TOM1L2: variants seen among roughly 807,000 people sequenced by gnomAD.
TOM1L2 encodes the protein target of myb1 like 2 membrane trafficking protein, also known as TOM1-like protein 2.
In TOM1L2, 31 loss-of-function variants were observed where a neutral mutation model predicts 67.9. The observed-to-expected ratio is 0.46, with a 90% CI of 0.34 to 0.62. The LOEUF is 0.62. Ranked by LOEUF, TOM1L2 falls within the 20% of genes least tolerant of loss-of-function variation. The pLI is 0.01. For missense variants in TOM1L2, 606 were observed against 663.5 expected (o/e 0.91, Z 0.95); for synonymous variants, 256 against 254.0 (o/e 1.01, Z -0.07).
chr17:17,955,740 A>T (rs2041410980), intron 1 of TOM1L2, among the ~76,000 whole-genome samples: 2 of 152,166 alleles, frequency 1.3e-5, no homozygotes, highest in Admixed American at 1.3e-4. Flanking sequence ...TCAAGAATGA[A>T]GCCATAGACC....
chr17:17,871,644 C>A (rs944086655), intron 7 of TOM1L2, among the ~76,000 whole-genome samples: 9 of 152,192 alleles, frequency 5.9e-5, no homozygotes, highest in Admixed American at 4.6e-4. Context: ...GCACTCCAGC[C>A]TGGGGAACAG....
intron 1 of TOM1L2, among the ~76,000 whole-genome samples, chr17:17,944,929 G>A (rs143740637): frequency 7.5e-4 from 114 of 152,248 alleles, no homozygotes; most frequent in African/African-American, 2.7e-3. Flanking sequence ...ATTTTTCATA[G>A]GCCGGATGCT....
chr17:17,884,596 CAGT>C, intron 5 of TOM1L2, 35 bp downstream of exon 5: 1 of 1,612,974 alleles, frequency 6.2e-7, no homozygotes, highest in Non-Finnish European at 8.5e-7. Context: ...ACCCGTTCTG[CAGT>C]AGGTCTTTCT....
chr17:17,889,110 T>C (rs2038140156), intron 4 of TOM1L2, among the ~76,000 whole-genome samples: 1 of 152,100 alleles, frequency 6.6e-6, no homozygotes, highest in South Asian at 2.1e-4. Flanking sequence ...CCCTCGCACA[T>C]GTTGGTAAAA....
At chr17:17,933,411 C>T (rs1406512990) in intron 1 of TOM1L2, among the ~76,000 whole-genome samples, 3 of 152,186 alleles carry the variant, frequency 2.0e-5, no homozygotes, top group Admixed American at 1.3e-4. Context: ...CATAGGCAAT[C>T]CAAACAAAAT....
At chr17:17,857,289 G>T (rs541207838) in intron 12 of TOM1L2, among the ~76,000 whole-genome samples, 2 of 152,292 alleles carry the variant, frequency 1.3e-5, no homozygotes, top group East Asian at 3.9e-4. Flanking sequence ...CATTTTGACG[G>T]ACTTAGTGGA....
At chr17:17,888,656 C>T (rs2038112977) in intron 4 of TOM1L2, among the ~76,000 whole-genome samples, 1 of 152,200 alleles carries the variant, frequency 6.6e-6, no homozygotes, top group Non-Finnish European at 1.5e-5. Flanking sequence ...ATCCCCACCC[C>T]AATCAGTTCA....
chr17:17,965,574 G>T (rs2041845358), intron 1 of TOM1L2, among the ~76,000 whole-genome samples: 1 of 152,130 alleles, frequency 6.6e-6, no homozygotes, highest in Non-Finnish European at 1.5e-5. Flanking sequence ...CTTGCTGAGG[G>T]CAGCACAGCG....
chr17:17,964,461 G>A lies in TOM1L2; in HGVS notation c.52+7801C>T, dbSNP rs140710606. Among the ~76,000 whole-genome samples the A allele has an allele frequency of 1.8e-4, 27 of 152,342 alleles. 1 individual carries two copies. In the East Asian group the frequency reaches 4.8e-3, roughly 27 times the overall value. ...TTCAAGGCATGAGAAGATGAAGAGT[G>A]AAATACAAAAGTATTCCATTATGTG... On this transcript the variant is annotated intron_variant, in intron 1 of 14. Transcript: ENST00000379504.
At chr17:17,936,815 A>G (rs944386850) in intron 1 of TOM1L2, among the ~76,000 whole-genome samples, 1 of 152,240 alleles carries the variant, frequency 6.6e-6, no homozygotes, top group East Asian at 1.9e-4. Context: ...CAAAATGTTT[A>G]TAGTAGTAAC....
intron 2 of TOM1L2, among the ~76,000 whole-genome samples, chr17:17,906,850 A>G (rs536567710): frequency 7.2e-5 from 11 of 152,366 alleles, no homozygotes; most frequent in Admixed American, 5.9e-4. Flanking sequence ...TGGTATGGAC[A>G]GAGGGCTAAA....
chr17:17,952,454 G>C (rs1280958189), intron 1 of TOM1L2, among the ~76,000 whole-genome samples: 2 of 125,948 alleles, frequency 1.6e-5, no homozygotes, highest in Non-Finnish European at 3.2e-5. Flanking sequence ...GCAGTGGTGT[G>C]ATCTTACCTC....
At chr17:17,953,442 A>G (rs2041293728) in intron 1 of TOM1L2, among the ~76,000 whole-genome samples, 1 of 152,188 alleles carries the variant, frequency 6.6e-6, no homozygotes, top group Non-Finnish European at 1.5e-5. Context: ...GACAAGCAGG[A>G]GTGCCCCGGA....
At chr17:17,950,667 T>C (rs953637904) in intron 1 of TOM1L2, among the ~76,000 whole-genome samples, 8 of 152,212 alleles carry the variant, frequency 5.3e-5, no homozygotes, top group Non-Finnish European at 8.8e-5. Flanking sequence ...AATGTATTTA[T>C]TTATTTTAAT....
intron 1 of TOM1L2, among the ~76,000 whole-genome samples, chr17:17,949,781 T>A (rs938384817): frequency 6.6e-6 from 1 of 152,232 alleles, no homozygotes; most frequent in Non-Finnish European, 1.5e-5. Flanking sequence ...GGCCTGCAGA[T>A]CACCAGTGGG....
intron 4 of TOM1L2, among the ~76,000 whole-genome samples, chr17:17,890,239 G>C (rs1250689623): frequency 6.6e-6 from 1 of 152,114 alleles, no homozygotes; most frequent in Non-Finnish European, 1.5e-5. Context: ...GTGAGGATGC[G>C]AAGCAACTAA....
chr17:17,874,648 A>C (rs2037329729), intron 7 of TOM1L2, among the ~76,000 whole-genome samples: 1 of 152,226 alleles, frequency 6.6e-6, no homozygotes. Flanking sequence ...GCTTGGAGGA[A>C]GAATGAGCCC....
At chr17:17,852,859 C>CT (rs2036053287) in intron 12 of TOM1L2, among the ~76,000 whole-genome samples, 1 of 112,674 alleles carries the variant, frequency 8.9e-6, no homozygotes, top group Non-Finnish European at 1.7e-5. Context: ...GACTGAAACT[C>CT]TGTCTAAAAA....
At chr17:17,855,306 A>G (rs957099104) in intron 12 of TOM1L2, among the ~76,000 whole-genome samples, 1 of 152,182 alleles carries the variant, frequency 6.6e-6, no homozygotes, top group Non-Finnish European at 1.5e-5. Flanking sequence ...GGGGGCCTCC[A>G]GGTCTGAGGA....
Sources: allele counts gnomAD v4.1 joint callset (sites outside exome capture counted in the v4.1 genomes callset), GRCh38; gene constraint gnomAD v4.1.1; transcripts MANE v1.5; gene names NCBI Gene and HGNC (gene_info 2026-07-23, HGNC 2026-07-21).